The following PDE2A variants were observed in gnomAD, a reference collection of about 807,000 sequenced individuals.
PDE2A encodes the protein cGMP-dependent 3',5'-cyclic phosphodiesterase.
A neutral mutation model predicts 133.6 loss-of-function variants in PDE2A; 53 were observed. The ratio of observed to expected loss-of-function variants is 0.40; its 90% CI spans 0.32 to 0.50. PDE2A has a LOEUF of 0.50. PDE2A is among the 20% of genes least tolerant of loss of function. The probability of loss-of-function intolerance (pLI) is 0.73; values close to 1 mark genes in which losing one functional copy is unlikely to be tolerated. For synonymous variants in PDE2A, 491 were observed against 490.2 expected, an observed-to-expected ratio of 1.00 and a Z score of -0.02; for missense variants, 796 against 1,232.4, an observed-to-expected ratio of 0.65 and a Z score of 5.30.
chr11:72,591,610 A>G (rs1856252214), intron 6 of PDE2A, among the ~76,000 whole-genome samples: 1 of 152,198 alleles, frequency 6.6e-6, no homozygotes, highest in East Asian at 1.9e-4. Flanking sequence ...TGTCTCATCA[A>G]GAGCACAGTC....
chr11:72,596,045 G>A (rs1010541798), intron 6 of PDE2A, among the ~76,000 whole-genome samples: 10 of 152,132 alleles, frequency 6.6e-5, no homozygotes, highest in Non-Finnish European at 1.5e-4. Flanking sequence ...TGGCTGGCCT[G>A]ACCATGGCCT....
Position 72,580,791 on chromosome 11 carries a change from G to T in PDE2A, c.2133+95C>A, listed in dbSNP as rs75600136. On this transcript the variant is annotated intron_variant, in intron 24 of 30. Coordinates refer to ENST00000334456, the MANE Select transcript of PDE2A (RefSeq NM_002599.5). ...CTCCTGTGTCTAAACCTGGCTCCTGGTCTCACTCGCTCCCACCCATCTTCA... is the reference window on the plus strand; with the variant it reads ...CTCCTGTGTCTAAACCTGGCTCCTGTTCTCACTCGCTCCCACCCATCTTCA... 3.7e-3 allele frequency: 3,601 copies of T among 986,342 alleles called. 103 individuals are homozygous for T. The African/African-American group carries it at 0.049, about 13-fold the overall frequency. The allele number at this position is 986,342 out of a possible 1,614,324, so 61.1% of individuals were successfully genotyped here.
intron 1 of PDE2A, 32 bp from the exon 2 acceptor site, chr11:72,642,358 G>C (rs767563302): frequency 1.8e-5 from 27 of 1,501,392 alleles, no homozygotes; most frequent in Non-Finnish European, 2.2e-5. Context: ...ATGAGGATGT[G>C]GTGCAGCACC....
chr11:72,579,244 T>C, intron 27 of PDE2A, 40 bp downstream of exon 27: 1 of 1,465,304 alleles, frequency 6.8e-7, no homozygotes, highest in East Asian at 2.3e-5. Context: ...CCCCTGGTTG[T>C]TCCTCCCCAG....
chr11:72,670,101 C>T (rs1391186779), intron 1 of PDE2A, among the ~76,000 whole-genome samples: 1 of 152,168 alleles, frequency 6.6e-6, no homozygotes, highest in East Asian at 1.9e-4. Context: ...GCTAAGTGAA[C>T]AAAATCCTGC....
At chr11:72,630,468 A>T (rs1858318650) in intron 2 of PDE2A, among the ~76,000 whole-genome samples, 1 of 151,474 alleles carries the variant, frequency 6.6e-6, no homozygotes, top group South Asian at 2.1e-4. Flanking sequence ...GCTAGAGCTG[A>T]TCCCCGAAGG....
intron 4 of PDE2A, 26 bp downstream of exon 4, chr11:72,605,112 C>A: frequency 6.8e-7 from 1 of 1,478,376 alleles, no homozygotes. Context: ...TGCAAGAGGG[C>A]AATGGGGGTG....
intron 1 of PDE2A, among the ~76,000 whole-genome samples, chr11:72,651,820 C>G (rs1044135979): frequency 6.6e-6 from 1 of 152,152 alleles, no homozygotes; most frequent in Non-Finnish European, 1.5e-5. Context: ...GTCCTCAGGC[C>G]CCCGCCCAAG....
rs1317652361 is a variant in PDE2A at position 72,645,754 on chromosome 11, G to T, written c.72-3428C>A. ...GCCAGGGCTGGCCCCTACTGGCCGA[G>T]TGTATACATCTGGGGCTGGGAGGCT... On this transcript the variant is annotated intron_variant, in intron 1 of 30. Transcript: ENST00000334456. Among the ~76,000 whole-genome samples, 4 of 152,380 alleles carry T rather than the reference G, an allele frequency of 2.6e-5. No homozygotes were observed. In the East Asian group the frequency reaches 7.7e-4, roughly 29 times the overall value.
intron 1 of PDE2A, 132 bp from the exon 2 acceptor site, chr11:72,642,458 A>T: frequency 9.7e-7 from 1 of 1,032,920 alleles, no homozygotes; most frequent in Non-Finnish European, 1.2e-6. Flanking sequence ...GGTCCGCCCG[A>T]GTGTCCGCCC....
chr11:72,647,637 C>G (rs1051375459), intron 1 of PDE2A, among the ~76,000 whole-genome samples: 1 of 152,240 alleles, frequency 6.6e-6, no homozygotes, highest in African/African-American at 2.4e-5. Context: ...AAGGGACAAT[C>G]CAAGATGCTT....
At position 72,620,668 on chromosome 11, in the gene PDE2A, C is replaced by A. The variant is rs138172774; in HGVS notation, c.145-11917G>T. On this transcript the variant is annotated intron_variant, in intron 2 of 30. Coordinates refer to ENST00000334456, the MANE Select transcript of PDE2A (RefSeq NM_002599.5). ...TCCTATCCACCCCCACCCTCCCGAC[C>A]GGGACCAGATCCCCTACTGGTGTGA... Among the ~76,000 whole-genome samples, 7 of 152,262 alleles carry A rather than the reference C, an allele frequency of 4.6e-5. No homozygotes were observed. In the South Asian group the frequency reaches 1.4e-3, roughly 32 times the overall value.
intron 2 of PDE2A, among the ~76,000 whole-genome samples, chr11:72,629,958 G>T (rs1270915087): frequency 6.6e-6 from 1 of 152,110 alleles, no homozygotes; most frequent in African/African-American, 2.4e-5. Context: ...GCCAGGCCTG[G>T]GCAGACTCTG....
chr11:72,584,597 G>A lies in PDE2A; in HGVS notation c.1491C>T (p.Phe497=), dbSNP rs267603178. The change falls in exon 18 of 31, where the codon TTC becomes TTT. Residue 497 remains phenylalanine (F), a synonymous_variant. Transcript: ENST00000334456. The part of the protein sequence containing the change: ...FYRGVDDSTG[F]RTRNILCFPI... Reference sequence around the variant, plus strand: ...GGAAGCAGAGGATGTTGCGCGTGCGGAAGCCGGTGCTGTCGTCCACGCCGC... The same window carrying A: ...GGAAGCAGAGGATGTTGCGCGTGCGAAAGCCGGTGCTGTCGTCCACGCCGC... The A allele has an allele frequency of 2.5e-6, 4 of 1,612,518 alleles. No individual in the cohort carries two copies. Among genetic ancestry groups the A allele is most frequent in the African/African-American group, 1.3e-5 (1 of 75,068 alleles).
At chr11:72,608,480 G>C (rs1222188863) in intron 3 of PDE2A, among the ~76,000 whole-genome samples, 182 bp downstream of exon 3, 1 of 152,146 alleles carries the variant, frequency 6.6e-6, no homozygotes, top group East Asian at 1.9e-4. Context: ...CTTAGCTTCA[G>C]GCTTCCTCCT....
rs375399041 is a variant in PDE2A at position 72,652,515 on chromosome 11, A to T, written c.72-10189T>A. 2.0e-5 allele frequency: 9 copies of T among 455,840 alleles called. No individual in the cohort carries two copies. The East Asian group carries it at 2.8e-4, about 14-fold the overall frequency. The allele number at this position is 455,840 out of a possible 1,614,324, so 28.2% of individuals were successfully genotyped here. A position where few individuals can be genotyped will look rare whatever the true frequency, so the allele number is the denominator to read the frequency against. On this transcript the variant is annotated intron_variant, in intron 1 of 30. Coordinates refer to ENST00000334456, the MANE Select transcript of PDE2A (RefSeq NM_002599.5). ...CATGCCAGCCTCCACCCCTTTGCTT[A>T]CACCATTCCACAGGCCTGAAGAACC...
At position 72,642,308 on chromosome 11, in the gene PDE2A, G is replaced by A; in HGVS notation, c.90C>T (p.Phe30=). 1 of 1,538,500 alleles carries A rather than the reference G, an allele frequency of 6.5e-7. No homozygotes were observed. The highest frequency in any genetic ancestry group is 8.7e-7 in the Non-Finnish European group (1 of 1,145,292). Reference sequence around the variant, plus strand: ...GCGGCGGCGGCTCGTCCGGCTTGAGGAAGACCTGCTGGCCCCGCCTGAGGA... The same window carrying A: ...GCGGCGGCGGCTCGTCCGGCTTGAGAAAGACCTGCTGGCCCCGCCTGAGGA... The part of the protein sequence containing the change: ...RPAEPRGQQV[F]LKPDEPPPPP... Residue 30 remains phenylalanine, a synonymous_variant, in exon 2 of 31, where the codon TTC becomes TTT. Coordinates refer to ENST00000334456, the MANE Select transcript of PDE2A (RefSeq NM_002599.5).
intron 1 of PDE2A, among the ~76,000 whole-genome samples, chr11:72,662,613 G>A (rs541445057): frequency 1.2e-4 from 19 of 152,284 alleles, no homozygotes; most frequent in African/African-American, 4.1e-4. Flanking sequence ...GAGGCAGGGA[G>A]GGATGTCCCT....
intron 2 of PDE2A, among the ~76,000 whole-genome samples, chr11:72,623,205 C>T (rs115834459): frequency 2.0e-3 from 302 of 152,248 alleles, no homozygotes; most frequent in African/African-American, 7.0e-3. Flanking sequence ...CCTGACTCAC[C>T]CACAGTGCCC....
Sources: allele counts gnomAD v4.1 joint callset (sites outside exome capture counted in the v4.1 genomes callset), GRCh38; gene constraint gnomAD v4.1.1; transcripts MANE v1.5; gene names NCBI Gene and HGNC (gene_info 2026-07-23, HGNC 2026-07-21).